ZBTB24: variants seen among roughly 807,000 people sequenced by gnomAD.
ZBTB24 encodes zinc finger and BTB domain containing 24, also known as zinc finger and BTB domain-containing protein 24.
Under a neutral mutation model 53.8 loss-of-function variants are expected in ZBTB24, and 32 were observed. The observed-to-expected ratio is 0.60, with a 90% confidence interval of 0.45 to 0.80. The LOEUF is 0.80. ZBTB24 is among the 30% of genes least tolerant of loss of function. The probability of loss-of-function intolerance (pLI) is 0.00; values close to 1 mark genes in which losing one functional copy is unlikely to be tolerated. For synonymous variants in ZBTB24, 297 were observed against 306.7 expected (o/e 0.97, Z 0.33); for missense variants, 722 against 837.1 (o/e 0.86, Z 1.70).
rs977851750 is a variant in ZBTB24, at chr6:109,465,346, A to T, written c.*505T>A. 8.3e-6 allele frequency: 3 copies of T among 362,468 alleles called. No homozygotes were observed. The highest frequency in any genetic ancestry group is 1.5e-5 in the Non-Finnish European group (3 of 199,456). 22.5% of individuals were successfully genotyped at this position (362,468 alleles called of 1,614,324 possible). A position where few individuals can be genotyped will look rare whatever the true frequency, so the allele number is the denominator to read the frequency against. ...GGGGACTGGAAATTATTAAAAGGGC[A>T]AATTCCCCATACATTGTGATCTGTC... On this transcript the variant is annotated 3_prime_UTR_variant, in exon 7 of 7. Coordinates refer to ENST00000230122, the MANE Select transcript of ZBTB24 (RefSeq NM_014797.3).
In ZBTB24 at chr6:109,481,069, C is replaced by G; in HGVS notation, c.952+6G>C. 6.2e-7 allele frequency: 1 copy of G among 1,613,704 alleles called. No homozygotes were observed. Among genetic ancestry groups the G allele is most frequent in the Non-Finnish European group, 8.5e-7 (1 of 1,179,672 alleles). ...ACACTGCAATCAGCTTTGAAAACATCATTACCTGTGTGGCTCCTCTGGTGG... is the reference window on the plus strand; with the variant it reads ...ACACTGCAATCAGCTTTGAAAACATGATTACCTGTGTGGCTCCTCTGGTGG... On this transcript the variant is annotated splice_donor_region_variant and intron_variant, in intron 2 of 6. Transcript: ENST00000230122.
rs1191178280 is a variant in ZBTB24 at position 109,481,152 on chromosome 6, G to A, written c.875C>T (p.Pro292Leu). ...ICGRRKRPGG[P>L]EARCKDCGKV... ...GCCACAGTCTTTACAGCGGGCCTCA[G>A]GGCCTCCAGGGCGCTTTCTCCTTCC... Residue 292 changes from proline to leucine, a missense_variant, in exon 2 of 7, where the codon CCT (proline) becomes CTT (leucine). Coordinates refer to ENST00000230122, the MANE Select transcript of ZBTB24 (RefSeq NM_014797.3). The A allele has an allele frequency of 1.2e-6, 2 of 1,614,194 alleles. No homozygotes were observed. The highest frequency in any genetic ancestry group is 1.1e-5 in the South Asian group (1 of 91,086).
intron 2 of ZBTB24, among the ~76,000 whole-genome samples, chr6:109,479,082 G>A (rs1776341343): frequency 6.6e-6 from 1 of 152,106 alleles, no homozygotes; most frequent in South Asian, 2.1e-4. Flanking sequence ...TAAAGTTAGA[G>A]AGAACAGAGA....
Position 109,464,855 on chromosome 6 carries a change from G to T in ZBTB24, c.*996C>A, listed in dbSNP as rs1302882902. The T allele has an allele frequency of 6.6e-6, 1 of 152,164 alleles. No individual in the cohort carries two copies. Among genetic ancestry groups the T allele is most frequent in the Non-Finnish European group, 1.5e-5 (1 of 68,034 alleles). The allele number at this position is 152,164 out of a possible 1,614,324, so 9.4% of individuals were successfully genotyped here. On this transcript the variant is annotated 3_prime_UTR_variant, in exon 7 of 7. Transcript: ENST00000230122. ...ATATTCACTTTGTGGGATTTAACTA[G>T]TCTGCAATAAAAATGAATTATAAGC...
At chr6:109,478,769 A>T (rs867703929) in intron 2 of ZBTB24, among the ~76,000 whole-genome samples, 30 of 149,408 alleles carry the variant, frequency 2.0e-4, no homozygotes, top group South Asian at 4.2e-4. Context: ...CATATGATTT[A>T]AAAAAAAAAC....
intron 1 of ZBTB24, among the ~76,000 whole-genome samples, chr6:109,482,520 T>C (rs1231084485): frequency 6.9e-6 from 1 of 144,030 alleles, no homozygotes; most frequent in African/African-American, 2.6e-5. Context: ...TGAGACGGAG[T>C]CTCGCTCTAT....
chr6:109,478,066 C>CA (rs758837007), intron 2 of ZBTB24, among the ~76,000 whole-genome samples: 60 of 152,216 alleles, frequency 3.9e-4, no homozygotes, highest in Non-Finnish European at 6.6e-4. Flanking sequence ...TTCTCCTGGG[C>CA]CTTAAAGCAT....
rs888239180 is a variant in ZBTB24, at chr6:109,463,323, G to T, written c.*2528C>A. On this transcript the variant is annotated 3_prime_UTR_variant, in exon 7 of 7. Transcript: ENST00000230122. ...TTATTCAAAGGGGTAGAATGTATAT[G>T]TGGGACAAAGAAAGAGGCTAGATTA... The T allele has an allele frequency of 6.6e-6, 1 of 152,204 alleles. No individual in the cohort carries two copies. Among genetic ancestry groups the T allele is most frequent in the Non-Finnish European group, 1.5e-5 (1 of 68,038 alleles). 9.4% of individuals were successfully genotyped at this position (152,204 alleles called of 1,614,324 possible). A position where few individuals can be genotyped will look rare whatever the true frequency, so the allele number is the denominator to read the frequency against.
At chr6:109,476,555 C>T (rs1655511743) in intron 3 of ZBTB24, among the ~76,000 whole-genome samples, 1 of 152,238 alleles carries the variant, frequency 6.6e-6, no homozygotes, top group African/African-American at 2.4e-5. Flanking sequence ...TGCTTGCACA[C>T]TAAACTCCCA....
Position 109,475,434 on chromosome 6 carries a change from A to G in ZBTB24, c.1253T>C (p.Val418Ala). ...TCGCAGATGTTTCTTTAGCTGAGACACATCCATGAATTTGCGATGGCAGTC... is the reference window on the plus strand; with the variant it reads ...TCGCAGATGTTTCTTTAGCTGAGACGCATCCATGAATTTGCGATGGCAGTC... ...CKDCHRKFMDVSQLKKHLRTH... is the reference protein window; with the variant it reads ...CKDCHRKFMDASQLKKHLRTH... The change falls in exon 5 of 7, where the codon GTG becomes GCG. Residue 418 changes from valine to alanine, a missense_variant. Transcript: ENST00000230122. The G allele has an allele frequency of 6.2e-7, 1 of 1,614,188 alleles. No homozygotes were observed. The highest frequency in any genetic ancestry group is 2.2e-5 in the East Asian group (1 of 44,878).
chr6:109,477,067 C>T (rs1480345122), intron 2 of ZBTB24, 137 bp from the exon 3 acceptor site: 5 of 1,257,866 alleles, frequency 4.0e-6, no homozygotes, highest in Non-Finnish European at 4.4e-6. Context: ...CAAGAGACAT[C>T]AGCAATAAAA....
rs545463142 is a variant in ZBTB24, at chr6:109,473,312, T to A, written c.1288+2087A>T. 6.6e-5 allele frequency among the ~76,000 whole-genome samples: 10 copies of A among 152,242 alleles called. No individual in the cohort carries two copies. In the South Asian group the frequency reaches 2.1e-3, roughly 32 times the overall value. On this transcript the variant is annotated intron_variant, in intron 5 of 6. Coordinates refer to ENST00000230122, the MANE Select transcript of ZBTB24 (RefSeq NM_014797.3). ...GACTTCCTACTCCCAGCTCTCTGGCTGCCTTGATGCTCCTCCCAGCACGTC... is the reference window on the plus strand; with the variant it reads ...GACTTCCTACTCCCAGCTCTCTGGCAGCCTTGATGCTCCTCCCAGCACGTC...
At chr6:109,472,515 A>G (rs1776187870) in intron 5 of ZBTB24, among the ~76,000 whole-genome samples, 1 of 152,142 alleles carries the variant, frequency 6.6e-6, no homozygotes. Flanking sequence ...TGCTCAGGCA[A>G]CAGAACCAAG....
intron 5 of ZBTB24, among the ~76,000 whole-genome samples, chr6:109,472,554 C>A (rs978443609): frequency 6.6e-6 from 1 of 152,168 alleles, no homozygotes; most frequent in Non-Finnish European, 1.5e-5. Context: ...CACTGCTCAG[C>A]ATGACCAAGC....
intron 4 of ZBTB24, among the ~76,000 whole-genome samples, chr6:109,475,836 A>G (rs970122422): frequency 7.2e-5 from 11 of 152,246 alleles, no homozygotes; most frequent in African/African-American, 2.7e-4. Flanking sequence ...GGGGAGAGAA[A>G]GCCTGGGCTG....
At position 109,463,454 on chromosome 6, in the gene ZBTB24, T is replaced by C. The variant is rs1034062041; in HGVS notation, c.*2397A>G. The C allele has an allele frequency of 3.9e-5, 6 of 152,362 alleles. No individual in the cohort carries two copies. Among genetic ancestry groups the C allele is most frequent in the African/African-American group, 9.6e-5 (4 of 41,582 alleles). The allele number at this position is 152,362 out of a possible 1,614,324, so 9.4% of individuals were successfully genotyped here. A position where few individuals can be genotyped will look rare whatever the true frequency, so the allele number is the denominator to read the frequency against. ...AACAGGTGGCCCATGCTGTCCAATATAGCAGCCACTAGCCACATGTGCTTA... is the reference window on the plus strand; with the variant it reads ...AACAGGTGGCCCATGCTGTCCAATACAGCAGCCACTAGCCACATGTGCTTA... On this transcript the variant is annotated 3_prime_UTR_variant, in exon 7 of 7. Coordinates refer to ENST00000230122, the MANE Select transcript of ZBTB24 (RefSeq NM_014797.3).
chr6:109,468,001 G>A (rs535641446), intron 5 of ZBTB24, among the ~76,000 whole-genome samples: 3 of 152,186 alleles, frequency 2.0e-5, no homozygotes, highest in African/African-American at 7.2e-5. Flanking sequence ...CAACAAGGAA[G>A]TGAGTTACAC....
At position 109,481,796 on chromosome 6, in the gene ZBTB24, A is replaced by G; in HGVS notation, c.231T>C (p.Tyr77=). The change falls in exon 2 of 7, where the codon TAT becomes TAC. Residue 77 remains tyrosine (Y), a synonymous_variant. Coordinates refer to ENST00000230122, the MANE Select transcript of ZBTB24 (RefSeq NM_014797.3). ...TGTCTGCAACCATGCCTTCCAGCAT[A>G]TAAATGGATTGGCCGATTTCCCCCT... ...AEEGEIGQSI[Y]MLEGMVADTF... is the part of the protein sequence containing the mutation. 1 of 1,614,276 alleles carries G rather than the reference A, an allele frequency of 6.2e-7. No individual in the cohort carries two copies. The highest frequency in any genetic ancestry group is 8.5e-7 in the Non-Finnish European group (1 of 1,180,046).
At position 109,476,164 on chromosome 6, in the gene ZBTB24, C is replaced by G. The variant is rs755155358; in HGVS notation, c.1204+11G>C. 1 of 1,613,410 alleles carries G rather than the reference C, an allele frequency of 6.2e-7. No individual in the cohort carries two copies. Among genetic ancestry groups the G allele is most frequent in the South Asian group, 1.1e-5 (1 of 90,908 alleles). ...TTCCCCCCCAATCTAAATGTTCTCA[C>G]TTTATCGTACCTGTATGAACTCGGT... On this transcript the variant is annotated intron_variant, in intron 4 of 6. Transcript: ENST00000230122.
Sources: gnomAD v4.1 joint callset for allele counts (sites outside exome capture counted in the v4.1 genomes callset) on GRCh38, gnomAD v4.1.1 for gene constraint, MANE v1.5 for transcripts, NCBI Gene and HGNC (gene_info 2026-07-23, HGNC 2026-07-21) for gene names.